The following PIWIL3 variants were observed in gnomAD, a reference collection of about 807,000 sequenced individuals.
PIWIL3 encodes the protein piwi like RNA-mediated gene silencing 3.
In PIWIL3, 101 loss-of-function variants were observed where a neutral mutation model predicts 109.7. That is an observed-to-expected ratio of 0.92 (90% CI 0.78 to 1.09). The LOEUF (loss-of-function observed/expected upper bound fraction) is 1.09, where lower values mean the gene tolerates loss of function less well. Among genes scored for constraint, PIWIL3 ranks in the 50% least tolerant of loss-of-function variants. The pLI is 0.00. For synonymous variants in PIWIL3, 373 were observed against 376.4 expected (o/e 0.99, Z 0.10); for missense variants, 1,031 against 1,072.6 (o/e 0.96, Z 0.54).
chr22:24,762,274 T>G, intron 2 of PIWIL3, 124 bp downstream of exon 2: 1 of 1,408,122 alleles, frequency 7.1e-7, no homozygotes, highest in African/African-American at 1.5e-5. Flanking sequence ...ACTTTTCTTA[T>G]GAACTTTTAT....
chr22:24,755,399 A>AG (rs1924961618), intron 6 of PIWIL3, among the ~76,000 whole-genome samples: 1 of 152,254 alleles, frequency 6.6e-6, no homozygotes, highest in Non-Finnish European at 1.5e-5. Flanking sequence ...CTGGGATTAC[A>AG]GGCGTGAGCC....
chr22:24,774,109 C>A lies in PIWIL3; in HGVS notation c.-23+213G>T, dbSNP rs1172709722. Among the ~76,000 whole-genome samples the A allele has an allele frequency of 1.3e-5, 2 of 152,108 alleles. 1 individual carries two copies. Among genetic ancestry groups the A allele is most frequent in the South Asian group, 4.2e-4 (2 of 4,816 alleles). On this transcript the variant is annotated intron_variant, in intron 1 of 20. Transcript: ENST00000616349. Reference sequence around the variant, plus strand: ...GCAGCTTAGCAGCCTAACCTCAAACCGCATTTTAAAACTTTTTTTCCTTTC... The same window carrying A: ...GCAGCTTAGCAGCCTAACCTCAAACAGCATTTTAAAACTTTTTTTCCTTTC...
chr22:24,723,685 CT>C (rs71320782), intron 18 of PIWIL3, among the ~76,000 whole-genome samples: 2 of 152,008 alleles, frequency 1.3e-5, no homozygotes, highest in South Asian at 4.1e-4. Flanking sequence ...TGGATTTCTT[CT>C]TTTTTTGAGA....
chr22:24,739,891 A>T (rs1048349588), intron 12 of PIWIL3, among the ~76,000 whole-genome samples: 2 of 151,864 alleles, frequency 1.3e-5, no homozygotes, highest in Non-Finnish European at 2.9e-5. Flanking sequence ...TCTACTAAAA[A>T]TACAAAAAAA....
At chr22:24,742,023 C>T (rs982116639) in intron 12 of PIWIL3, among the ~76,000 whole-genome samples, 16 of 151,814 alleles carry the variant, frequency 1.1e-4, no homozygotes, top group Admixed American at 8.5e-4. Context: ...CAACAAAGCT[C>T]CTAGATCTGA....
chr22:24,734,838 G>GAA, intron 13 of PIWIL3, among the ~76,000 whole-genome samples: 1 of 121,816 alleles, frequency 8.2e-6, no homozygotes, highest in Non-Finnish European at 1.7e-5. Context: ...TTTTTTTTTA[G>GAA]AAAAAAAAAC....
chr22:24,764,527 C>A (rs189557575), intron 1 of PIWIL3, among the ~76,000 whole-genome samples: 1 of 151,904 alleles, frequency 6.6e-6, no homozygotes, highest in Non-Finnish European at 1.5e-5. Flanking sequence ...GTAAACTTTC[C>A]AGTAGTTCTT....
intron 13 of PIWIL3, among the ~76,000 whole-genome samples, chr22:24,734,615 A>AG (rs1402230415): frequency 8.5e-5 from 13 of 152,162 alleles, no homozygotes; most frequent in Admixed American, 1.3e-4. Flanking sequence ...TAAAAATTCC[A>AG]GGTATACCCA....
chr22:24,747,309 G>A (rs1924431500), intron 12 of PIWIL3, among the ~76,000 whole-genome samples: 1 of 151,974 alleles, frequency 6.6e-6, no homozygotes, highest in African/African-American at 2.4e-5. Flanking sequence ...AAAAAATTAA[G>A]ATGGCTTGAA....
In PIWIL3 at chr22:24,762,416, T is replaced by G; in HGVS notation, c.84A>C (p.Arg28Ser). 1 of 1,613,856 alleles carries G rather than the reference T, an allele frequency of 6.2e-7. No homozygotes were observed. Among genetic ancestry groups the G allele is most frequent in the Non-Finnish European group, 8.5e-7 (1 of 1,179,888 alleles). Residue 28 changes from arginine to serine, a missense_variant, in exon 2 of 21, where the codon AGA becomes AGC. Arg to Ser is a moderately radical substitution (Grantham distance 110, BLOSUM62 -1). Transcript: ENST00000616349. ...GGCTCACTGTAGCTGATCCAGGTGC[T>G]CTGGGTCCCCCAGGTGCCTCTTGTT... ...SYQQEAPGGP[R>S]APGSATTQEP...
chr22:24,757,285 C>T (rs191427550), intron 4 of PIWIL3, among the ~76,000 whole-genome samples: 2 of 151,836 alleles, frequency 1.3e-5, no homozygotes, highest in African/African-American at 4.8e-5. Context: ...GAGAAAGCGC[C>T]ACCCTATGTA....
At chr22:24,755,662 C>G in intron 6 of PIWIL3, 122 bp downstream of exon 6, 1 of 1,278,588 alleles carries the variant, frequency 7.8e-7, no homozygotes, top group South Asian at 1.5e-5. Flanking sequence ...AGACCCTTCA[C>G]TCTCTTAATA....
Position 24,747,700 on chromosome 22 carries a change from T to C in PIWIL3, c.1449+1207A>G, listed in dbSNP as rs544365505. On this transcript the variant is annotated intron_variant, in intron 12 of 20. Coordinates refer to ENST00000616349, the MANE Select transcript of PIWIL3 (RefSeq NM_001255975.1). ...GCATATGAAAAAGTGCTGATATCAA[T>C]GATCAGAGAAATGCAAATCAAAACT... Among the ~76,000 whole-genome samples the C allele has an allele frequency of 6.4e-4, 97 of 152,258 alleles. 1 individual carries two copies. Among genetic ancestry groups the C allele is most frequent in the African/African-American group, 2.2e-3 (91 of 41,572 alleles).
chr22:24,745,328 G>A (rs970595911), intron 12 of PIWIL3, among the ~76,000 whole-genome samples: 5 of 152,200 alleles, frequency 3.3e-5, no homozygotes, highest in African/African-American at 1.2e-4. Flanking sequence ...CAGATGTGGT[G>A]TCTCACACCT....
chr22:24,744,194 A>AAC (rs1555911719), intron 12 of PIWIL3, among the ~76,000 whole-genome samples: 1 of 147,364 alleles, frequency 6.8e-6, no homozygotes, highest in African/African-American at 2.5e-5. Flanking sequence ...AAAAAAAAAA[A>AAC]AAAAAAAAAA....
At chr22:24,733,250 T>C (rs1286418068) in intron 14 of PIWIL3, among the ~76,000 whole-genome samples, 1 of 152,072 alleles carries the variant, frequency 6.6e-6, no homozygotes, top group Non-Finnish European at 1.5e-5. Flanking sequence ...CCCCTCAAGA[T>C]CATCCTGGGG....
chr22:24,752,097 T>G (rs548012765), intron 8 of PIWIL3, among the ~76,000 whole-genome samples: 1 of 152,062 alleles, frequency 6.6e-6, no homozygotes, highest in African/African-American at 2.4e-5. Flanking sequence ...AGGAGTAAAA[T>G]TTCTGGTTCA....
chr22:24,756,840 G>GATT, intron 4 of PIWIL3, 135 bp from the exon 5 acceptor site: 3 of 736,550 alleles, frequency 4.1e-6, no homozygotes, highest in Non-Finnish European at 6.5e-6. Context: ...AGCACTCTGG[G>GATT]AGGCCAAGGC....
Position 24,720,593 on chromosome 22 carries a change from C to T in PIWIL3, c.2358-698G>A, listed in dbSNP as rs564622195. Among the ~76,000 whole-genome samples the T allele has an allele frequency of 5.3e-5, 8 of 152,134 alleles. No individual in the cohort carries two copies. The South Asian group carries it at 1.7e-3, about 32-fold the overall frequency. On this transcript the variant is annotated intron_variant, in intron 19 of 20. Coordinates refer to ENST00000616349, the MANE Select transcript of PIWIL3 (RefSeq NM_001255975.1). ...GCCTTAAACTTCTTAAACAATACAA[C>T]CGGTAAGATTGATCTATGTGTTATA...
Sources: gnomAD v4.1 joint callset for allele counts (sites outside exome capture counted in the v4.1 genomes callset) on GRCh38, gnomAD v4.1.1 for gene constraint, MANE v1.5 for transcripts, NCBI Gene and HGNC (gene_info 2026-07-23, HGNC 2026-07-21) for gene names.